PCDHGA6: variants seen among roughly 807,000 people sequenced by gnomAD.
PCDHGA6 encodes the protein protocadherin gamma-A6.
In PCDHGA6, 41 loss-of-function variants were observed where a neutral mutation model predicts 60.6. The ratio of observed to expected loss-of-function variants is 0.68; its 90% confidence interval spans 0.53 to 0.88. The LOEUF (loss-of-function observed/expected upper bound fraction) is 0.88. PCDHGA6 is among the 40% of genes least tolerant of loss of function. The pLI is 0.00. For synonymous variants in PCDHGA6, 594 were observed against 524.4 expected, an observed-to-expected ratio of 1.13 and a Z score of -1.81; for missense variants, 1,312 against 1,203.0, an observed-to-expected ratio of 1.09 and a Z score of -1.34.
intron 1 of PCDHGA6, among the ~76,000 whole-genome samples, chr5:141,425,812 G>A (rs1472168775): frequency 6.6e-6 from 1 of 152,054 alleles, no homozygotes; most frequent in African/African-American, 2.4e-5. Context: ...CTTCTGCTTA[G>A]AAAAAAACAA....
intron 1 of PCDHGA6, chr5:141,423,194 C>T (rs1467994226): frequency 3.7e-6 from 6 of 1,613,588 alleles, no homozygotes; most frequent in South Asian, 1.1e-5. Context: ...CCCCCTCTCT[C>T]GGCCACCGTC....
At chr5:141,459,218 C>T (rs2098963524) in intron 1 of PCDHGA6, among the ~76,000 whole-genome samples, 1 of 152,220 alleles carries the variant, frequency 6.6e-6, no homozygotes, top group South Asian at 2.1e-4. Context: ...TTCTCCAGCT[C>T]CAGGCAACAA....
At chr5:141,413,065 T>A (rs2095601710) in intron 1 of PCDHGA6, 2 of 1,159,986 alleles carry the variant, frequency 1.7e-6, no homozygotes, top group African/African-American at 3.1e-5. Flanking sequence ...CTCCAGAATT[T>A]AAAGTGCCCA....
At chr5:141,406,070 T>A (rs1451280596) in intron 1 of PCDHGA6, among the ~76,000 whole-genome samples, 1 of 136,270 alleles carries the variant, frequency 7.3e-6, no homozygotes, top group Admixed American at 7.2e-5. Flanking sequence ...AAATTCTTAC[T>A]CCTTTTTTTT....
In PCDHGA6 at chr5:141,376,170, C is replaced by T. The variant is rs1415388106; in HGVS notation, c.2087C>T (p.Ala696Val). 2 of 1,614,112 alleles carry T rather than the reference C, an allele frequency of 1.2e-6. No homozygotes were observed. The highest frequency in any genetic ancestry group is 1.1e-5 in the South Asian group (1 of 91,074). ...DSDLTLYLVV[A>V]VAAVSCVFLA... ...GACCTCACTCTGTACCTGGTGGTGG[C>T]GGTGGCCGCGGTCTCCTGCGTCTTC... is the stretch of plus-strand genomic sequence containing the variant. The change falls in exon 1 of 4, where the codon GCG becomes GTG. Residue 696 changes from alanine to valine, a missense_variant. Physicochemically the swap from Ala to Val is moderately conservative, Grantham distance 64. Transcript: ENST00000517434.
At chr5:141,395,538 T>C (rs1459118809) in intron 1 of PCDHGA6, 1 of 225,772 alleles carries the variant, frequency 4.4e-6, no homozygotes, top group Non-Finnish European at 7.1e-6. Context: ...AATTTTGCTA[T>C]TGTTTGTGTG....
chr5:141,375,223 C>T lies in PCDHGA6; in HGVS notation c.1140C>T (p.Gly380=). ...QVFDRDSGLN[G]LVTCSIPRSL... is the part of the protein sequence containing the mutation. ...TCGATCGAGACTCTGGCCTGAATGG[C>T]CTGGTAACCTGTTCCATCCCGAGAA... Residue 380 remains glycine, a synonymous_variant, in exon 1 of 4, where the codon GGC becomes GGT. Coordinates refer to ENST00000517434, the MANE Select transcript of PCDHGA6 (RefSeq NM_018919.3). 4 of 1,613,982 alleles carry T rather than the reference C, an allele frequency of 2.5e-6. No homozygotes were observed. The highest frequency in any genetic ancestry group is 3.4e-6 in the Non-Finnish European group (4 of 1,179,900).
intron 1 of PCDHGA6, 36 bp downstream of exon 1, chr5:141,376,543 T>C: frequency 1.2e-6 from 2 of 1,613,014 alleles, no homozygotes. Flanking sequence ...AAGAGTAATC[T>C]GATCTTCCCG....
chr5:141,429,390 A>T (rs556289214), intron 1 of PCDHGA6, among the ~76,000 whole-genome samples: 3,394 of 150,296 alleles, frequency 0.023, 54 homozygotes, highest in South Asian at 0.043. Context: ...TTTTTTTTAA[A>T]AAAAATTGAG....
intron 1 of PCDHGA6, among the ~76,000 whole-genome samples, chr5:141,484,045 G>A (rs934525987): frequency 7.9e-5 from 12 of 152,026 alleles, no homozygotes; most frequent in African/African-American, 2.9e-4. Context: ...AGCTCCAAGA[G>A]GTCCCCTGGG....
At chr5:141,414,856 G>C (rs1269714202) in intron 1 of PCDHGA6, 2 of 1,614,216 alleles carry the variant, frequency 1.2e-6, no homozygotes, top group Non-Finnish European at 8.5e-7. Flanking sequence ...GGACCAGAAC[G>C]ACAATGCGCC....
chr5:141,431,325 G>C lies in PCDHGA6; in HGVS notation c.2424+54818G>C, dbSNP rs772252181. On this transcript the variant is annotated intron_variant, in intron 1 of 3. Coordinates refer to ENST00000517434, the MANE Select transcript of PCDHGA6 (RefSeq NM_018919.3). The surrounding 1 kb of genome is among the most constrained non-coding windows in gnomAD (Gnocchi z 4.8). Reference sequence around the variant, plus strand: ...ATCGTGCAAAATGGAGCCGACGGTAGTAAGTACCCCGAATTGGTGCTGAAA... The same window carrying C: ...ATCGTGCAAAATGGAGCCGACGGTACTAAGTACCCCGAATTGGTGCTGAAA... 4.3e-6 allele frequency: 7 copies of C among 1,614,144 alleles called. No individual in the cohort carries two copies. In the Admixed American group the frequency reaches 8.3e-5, roughly 19 times the overall value.
chr5:141,412,918 G>A (rs893690519), intron 1 of PCDHGA6: 17 of 414,102 alleles, frequency 4.1e-5, no homozygotes, highest in Non-Finnish European at 5.5e-5. Context: ...TATCACTTGG[G>A]TGCAGTAACT....
chr5:141,494,607 C>T (rs2099755630), intron 1 of PCDHGA6, among the ~76,000 whole-genome samples, 200 bp from the exon 2 acceptor site: 2 of 152,092 alleles, frequency 1.3e-5, no homozygotes, highest in South Asian at 2.1e-4. Flanking sequence ...TGTGATTTAT[C>T]TCTTGGTTTC....
intron 1 of PCDHGA6, chr5:141,426,793 A>G: frequency 2.2e-6 from 1 of 456,734 alleles, no homozygotes; most frequent in South Asian, 1.5e-5. Context: ...CAGAGTTACC[A>G]GCTCAGTTCT....
intron 1 of PCDHGA6, chr5:141,394,386 A>T (rs765454423): frequency 1.2e-6 from 2 of 1,614,210 alleles, no homozygotes; most frequent in South Asian, 1.1e-5. Context: ...CTATGAGCAG[A>T]TCCGAGACCT....
In PCDHGA6 at chr5:141,476,933, GA is replaced by G; in HGVS notation, c.2425-17872del. 1 of 1,614,176 alleles carries G rather than the reference GA, an allele frequency of 6.2e-7. No individual in the cohort carries two copies. Reference sequence around the variant, plus strand: ...ACAAGTCCTTGCAACGGATCTGGATGAAGGCCCCAACGGTGAAATTATTTAC... The same window carrying G: ...ACAAGTCCTTGCAACGGATCTGGATGAGGCCCCAACGGTGAAATTATTTAC... On this transcript the variant is annotated intron_variant, in intron 1 of 3. Transcript: ENST00000517434. This position sits in a 1 kb window ranked among gnomAD's most constrained non-coding sequence, Gnocchi z 7.6.
intron 1 of PCDHGA6, chr5:141,421,970 A>G (rs2096615419): frequency 1.2e-6 from 2 of 1,610,810 alleles, no homozygotes; most frequent in Non-Finnish European, 1.7e-6. Context: ...CAGTCCGTAT[A>G]TCGCGTGAGT....
At position 141,432,580 on chromosome 5, in the gene PCDHGA6, T is replaced by C. The variant is rs773087131; in HGVS notation, c.2424+56073T>C. 20 of 1,613,202 alleles carry C rather than the reference T, an allele frequency of 1.2e-5. No individual in the cohort carries two copies. The highest frequency in any genetic ancestry group is 4.0e-5 in the African/African-American group (3 of 74,662). On this transcript the variant is annotated intron_variant, in intron 1 of 3. Transcript: ENST00000517434. The surrounding 1 kb of genome is among the most constrained non-coding windows in gnomAD (Gnocchi z 6.0). ...GCCAGAACGCCTGGCTGTCCTACCG[T>C]CTGCTCAAGGCCAGCGAGCCGGGAC... is the stretch of plus-strand genomic sequence containing the variant.
Sources: gnomAD v4.1 joint callset for allele counts (sites outside exome capture counted in the v4.1 genomes callset) on GRCh38, gnomAD v4.1.1 for gene constraint, Gnocchi (gnomAD v3.1) non-coding constraint, MANE v1.5 for transcripts, NCBI Gene and HGNC (gene_info 2026-07-23, HGNC 2026-07-21) for gene names.